FAM163A: variants seen among roughly 807,000 people sequenced by gnomAD.
FAM163A encodes the protein protein FAM163A.
In FAM163A, 7 loss-of-function variants were observed where a neutral mutation model predicts 12.0. That is an observed-to-expected ratio of 0.58 (90% CI 0.33 to 1.10). The LOEUF (loss-of-function observed/expected upper bound fraction) is 1.10, where lower values mean the gene tolerates loss of function less well. Among genes scored for constraint, FAM163A ranks in the 50% least tolerant of loss-of-function variants. The pLI is 0.03. For missense variants in FAM163A, 202 were observed against 218.6 expected (o/e 0.92, Z 0.48); for synonymous variants, 101 against 91.0 (o/e 1.11, Z -0.62).
At chr1:179,769,891 T>C (rs1263934641) in intron 1 of FAM163A, among the ~76,000 whole-genome samples, 2 of 148,356 alleles carry the variant, frequency 1.3e-5, no homozygotes, top group African/African-American at 4.9e-5. Context: ...TACTCTTTCA[T>C]CCCTAATTCT....
chr1:179,787,244 G>C (rs917478163), intron 1 of FAM163A, among the ~76,000 whole-genome samples: 19 of 152,120 alleles, frequency 1.2e-4, no homozygotes, highest in Non-Finnish European at 4.4e-5. Context: ...TATTTAGCTG[G>C]GCTATTAGGC....
the FAM163A span, among the ~76,000 whole-genome samples, chr1:179,737,677 T>C: frequency 6.6e-6 from 1 of 151,746 alleles, no homozygotes; most frequent in Non-Finnish European, 1.5e-5. Flanking sequence ...CTACTAAAAA[T>C]ACAAAAAATT....
chr1:179,791,895 C>T (rs564958635), intron 1 of FAM163A, among the ~76,000 whole-genome samples: 13 of 152,152 alleles, frequency 8.5e-5, no homozygotes, highest in East Asian at 1.9e-4. Context: ...CTAGCTCATT[C>T]GTCTCTGCAG....
At chr1:179,746,138 G>C (rs1334488241) in intron 1 of FAM163A, among the ~76,000 whole-genome samples, 1 of 152,182 alleles carries the variant, frequency 6.6e-6, no homozygotes, top group Non-Finnish European at 1.5e-5. Flanking sequence ...TAGAAAAACA[G>C]GTACTTTCAT....
chr1:179,813,976 C>G lies in FAM163A; in HGVS notation c.291C>G (p.Thr97=). The change falls in exon 5 of 5, where the codon ACC becomes ACG. Residue 97 remains threonine (T), a synonymous_variant. Transcript: ENST00000341785. ...PCGVAASHCT[T]CSPYSSPFYI... is the part of the protein sequence containing the mutation. The stretch of plus-strand genomic sequence containing the variant: ...GGGTGGCCGCGAGCCACTGCACTAC[C>G]TGCTCCCCATACAGCTCCCCCTTTT... The G allele has an allele frequency of 1.2e-6, 2 of 1,613,884 alleles. No homozygotes were observed. Among genetic ancestry groups the G allele is most frequent in the South Asian group, 2.2e-5 (2 of 91,030 alleles).
chr1:179,759,295 CT>C (rs1205025989), intron 1 of FAM163A, among the ~76,000 whole-genome samples: 2 of 151,876 alleles, frequency 1.3e-5, no homozygotes, highest in Admixed American at 6.6e-5. Context: ...CACCTCCCCA[CT>C]CCCATCACAT....
intron 1 of FAM163A, among the ~76,000 whole-genome samples, chr1:179,744,428 G>C (rs1684148914): frequency 6.6e-6 from 1 of 152,128 alleles, no homozygotes; most frequent in Non-Finnish European, 1.5e-5. Flanking sequence ...GGCCTGGGTG[G>C]GGCGGGTAGA....
the FAM163A span, among the ~76,000 whole-genome samples, chr1:179,733,056 G>A: frequency 3.9e-5 from 6 of 152,058 alleles, no homozygotes; most frequent in East Asian, 1.2e-3. Context: ...CTGGTAATGT[G>A]AATATGAAGC....
intron 1 of FAM163A, among the ~76,000 whole-genome samples, chr1:179,751,341 C>T (rs1281247032): frequency 6.6e-6 from 1 of 151,918 alleles, no homozygotes; most frequent in African/African-American, 2.4e-5. Context: ...AGAGAAAAAC[C>T]AAGAGGGAGA....
the FAM163A span, among the ~76,000 whole-genome samples, chr1:179,728,651 T>C: frequency 0.042 from 6,330 of 152,270 alleles, 484 homozygotes; most frequent in African/African-American, 0.14. Context: ...GTGATTTGTT[T>C]GTTTTTGGTC....
Position 179,749,689 on chromosome 1 carries a change from C to A in FAM163A, c.-136+6266C>A, listed in dbSNP as rs1196737615. Among the ~76,000 whole-genome samples the A allele has an allele frequency of 3.3e-5, 4 of 122,264 alleles. No homozygotes were observed. In the East Asian group the frequency reaches 7.8e-4, roughly 24 times the overall value. 80.2% of individuals were successfully genotyped at this position (122,264 alleles called of 152,430 possible). A position where few individuals can be genotyped will look rare whatever the true frequency, so the allele number is the denominator to read the frequency against. ...CAACATGGTGAAACTGAAACCCCAC[C>A]TCTACTAAATATACAAAAAATTAGC... On this transcript the variant is annotated intron_variant, in intron 1 of 4. Transcript: ENST00000341785.
intron 1 of FAM163A, among the ~76,000 whole-genome samples, chr1:179,797,295 A>G (rs905361351): frequency 3.3e-5 from 5 of 152,252 alleles, no homozygotes; most frequent in African/African-American, 9.6e-5. Flanking sequence ...AAAAATACAA[A>G]AAATTAGCTG....
At chr1:179,778,772 G>A (rs539421798) in intron 1 of FAM163A, among the ~76,000 whole-genome samples, 26 of 152,320 alleles carry the variant, frequency 1.7e-4, no homozygotes, top group African/African-American at 6.0e-4. Flanking sequence ...TAAGGCGTGA[G>A]GGGTGGGGGA....
intron 1 of FAM163A, among the ~76,000 whole-genome samples, chr1:179,760,168 G>A (rs1171492799): frequency 1.3e-5 from 2 of 152,154 alleles, no homozygotes; most frequent in South Asian, 2.1e-4. Context: ...GGAGTTGGAC[G>A]GTTATGGATG....
intron 2 of FAM163A, among the ~76,000 whole-genome samples, chr1:179,810,274 G>A (rs1442995881): frequency 6.6e-6 from 1 of 152,152 alleles, no homozygotes; most frequent in Non-Finnish European, 1.5e-5. Context: ...AGAAGTGAGA[G>A]AGCTTCAGGG....
intron 1 of FAM163A, among the ~76,000 whole-genome samples, chr1:179,800,658 T>C (rs1693033513): frequency 6.6e-6 from 1 of 152,188 alleles, no homozygotes; most frequent in Non-Finnish European, 1.5e-5. Context: ...ACTCTGCCTC[T>C]CATCTTGTGT....
intron 1 of FAM163A, among the ~76,000 whole-genome samples, chr1:179,786,018 G>T (rs1040984735): frequency 6.6e-6 from 1 of 152,136 alleles, no homozygotes; most frequent in Non-Finnish European, 1.5e-5. Flanking sequence ...TTTAAGACTG[G>T]TGTATGTTGC....
Position 179,769,823 on chromosome 1 carries a change from G to A in FAM163A, c.-136+26400G>A, listed in dbSNP as rs1387328060. The stretch of plus-strand genomic sequence containing the variant: ...TCACCAGCTTTCTTACTTATAAACA[G>A]TTTGGCCACATCACAAAGTAAATAC... On this transcript the variant is annotated intron_variant, in intron 1 of 4. Coordinates refer to ENST00000341785, the MANE Select transcript of FAM163A (RefSeq NM_173509.3). Among the ~76,000 whole-genome samples, 3 of 150,112 alleles carry A rather than the reference G, an allele frequency of 2.0e-5. No individual in the cohort carries two copies. The East Asian group carries it at 6.0e-4, about 30-fold the overall frequency.
the FAM163A span, among the ~76,000 whole-genome samples, chr1:179,737,369 A>T: frequency 2.6e-5 from 4 of 152,200 alleles, no homozygotes; most frequent in Non-Finnish European, 5.9e-5. Flanking sequence ...GGAAATGAAG[A>T]GTTGTTGTTC....
Sources: allele counts gnomAD v4.1 joint callset (sites outside exome capture counted in the v4.1 genomes callset), GRCh38; gene constraint gnomAD v4.1.1; transcripts MANE v1.5; gene names NCBI Gene and HGNC (gene_info 2026-07-23, HGNC 2026-07-21).